The following CNTLN variants were observed in gnomAD, a reference collection of about 807,000 sequenced individuals.
The protein encoded by CNTLN is centlein, centrosomal protein.
CNTLN carries 212 observed loss-of-function variants against 180.0 expected under a neutral mutation model. The ratio of observed to expected loss-of-function variants is 1.18; its 90% confidence interval spans 1.05 to 1.32. CNTLN has a LOEUF of 1.32. CNTLN is among the 40% of genes most tolerant of loss of function. CNTLN has a pLI of 0.00. For synonymous variants in CNTLN, 722 were observed against 563.1 expected (o/e 1.28, Z -3.99); for missense variants, 2,095 against 1,610.9 (o/e 1.30, Z -5.14).
At chr9:17,371,445 C>T (rs1824309244) in intron 13 of CNTLN, among the ~76,000 whole-genome samples, 1 of 152,102 alleles carries the variant, frequency 6.6e-6, no homozygotes, top group Non-Finnish European at 1.5e-5. Flanking sequence ...ATTCACCCAA[C>T]ACGCTAGTAC....
intron 6 of CNTLN, among the ~76,000 whole-genome samples, chr9:17,283,855 T>C (rs922070152): frequency 4.6e-5 from 7 of 152,304 alleles, no homozygotes; most frequent in Middle Eastern, 3.4e-3. Context: ...GAGATGATCA[T>C]GTGTTTGCTG....
At chr9:17,295,112 C>T (rs936090901) in intron 6 of CNTLN, among the ~76,000 whole-genome samples, 1 of 150,918 alleles carries the variant, frequency 6.6e-6, no homozygotes, top group Non-Finnish European at 1.5e-5. Context: ...GCGGGGCTGG[C>T]TGGCCGCTCT....
chr9:17,445,087 A>T lies in CNTLN; in HGVS notation c.3115-12437A>T, dbSNP rs548054881. 2.0e-5 allele frequency among the ~76,000 whole-genome samples: 3 copies of T among 152,256 alleles called. No homozygotes were observed. The East Asian group carries it at 5.8e-4, about 29-fold the overall frequency. ...TATTTTATCAAATCCAAAGATTTTT[A>T]AAAGTCCTTTCTAAAAATGTCCATT... On this transcript the variant is annotated intron_variant, in intron 18 of 25. Coordinates refer to ENST00000380647, the MANE Select transcript of CNTLN (RefSeq NM_017738.4).
At chr9:17,515,296 C>A in the CNTLN span, among the ~76,000 whole-genome samples, 1 of 152,136 alleles carries the variant, frequency 6.6e-6, no homozygotes. Context: ...TAGCCCTCAT[C>A]TTCCTTAATT....
intron 2 of CNTLN, among the ~76,000 whole-genome samples, chr9:17,171,230 G>T (rs117565641): frequency 0.021 from 3,168 of 152,104 alleles, 76 homozygotes; most frequent in African/African-American, 0.055. Flanking sequence ...CTTGTTTTTG[G>T]TTTTTTTGTG....
intron 5 of CNTLN, among the ~76,000 whole-genome samples, chr9:17,252,788 T>C (rs952672322): frequency 9.2e-5 from 14 of 151,950 alleles, no homozygotes; most frequent in African/African-American, 2.9e-4. Flanking sequence ...CATTTCTCTA[T>C]TTTTATTTTT....
chr9:17,142,101 A>AG (rs1319761589), intron 1 of CNTLN, among the ~76,000 whole-genome samples: 8 of 151,344 alleles, frequency 5.3e-5, no homozygotes, highest in South Asian at 4.2e-4. Flanking sequence ...AAAAAAAAAA[A>AG]AAGAAGAATA....
At chr9:17,329,050 C>A (rs1359534154) in intron 8 of CNTLN, among the ~76,000 whole-genome samples, 4 of 151,866 alleles carry the variant, frequency 2.6e-5, no homozygotes, top group Admixed American at 6.6e-5. Context: ...GCATTATAAT[C>A]CATTGATGAC....
intron 18 of CNTLN, among the ~76,000 whole-genome samples, chr9:17,439,303 A>T (rs2134029175): frequency 6.6e-6 from 1 of 152,344 alleles, no homozygotes; most frequent in African/African-American, 2.4e-5. Flanking sequence ...AAAAATGTTC[A>T]CATAACTAGG....
At chr9:17,211,479 CAGGT>C (rs1823306570) in intron 2 of CNTLN, among the ~76,000 whole-genome samples, 1 of 152,170 alleles carries the variant, frequency 6.6e-6, no homozygotes, top group African/African-American at 2.4e-5. Flanking sequence ...AGTTTGAAGT[CAGGT>C]AGCGTGATTC....
intron 2 of CNTLN, among the ~76,000 whole-genome samples, chr9:17,217,564 T>C (rs1225702266): frequency 6.6e-6 from 1 of 152,242 alleles, no homozygotes; most frequent in African/African-American, 2.4e-5. Flanking sequence ...TAAAAATCCT[T>C]GGGGGCAACC....
chr9:17,279,543 G>C (rs1170069648), intron 6 of CNTLN, among the ~76,000 whole-genome samples: 1 of 151,928 alleles, frequency 6.6e-6, no homozygotes, highest in Non-Finnish European at 1.5e-5. Context: ...ACTATAGTCT[G>C]ATGCTCCAGT....
At chr9:17,205,577 G>A (rs1822858433) in intron 2 of CNTLN, among the ~76,000 whole-genome samples, 1 of 152,138 alleles carries the variant, frequency 6.6e-6, no homozygotes, top group African/African-American at 2.4e-5. Flanking sequence ...TGAAGGAAGC[G>A]GTGGGAGCAG....
intron 18 of CNTLN, among the ~76,000 whole-genome samples, chr9:17,457,125 T>A (rs1459871010): frequency 1.3e-5 from 2 of 152,128 alleles, no homozygotes; most frequent in South Asian, 2.1e-4. Context: ...ACCTACCCAG[T>A]GGAATAAACA....
At chr9:17,325,802 A>T (rs1820251201) in intron 8 of CNTLN, among the ~76,000 whole-genome samples, 1 of 152,014 alleles carries the variant, frequency 6.6e-6, no homozygotes, top group Non-Finnish European at 1.5e-5. Flanking sequence ...GCTAAATGCT[A>T]ATTATTATCA....
intron 8 of CNTLN, among the ~76,000 whole-genome samples, chr9:17,319,079 G>A (rs1447121183): frequency 6.6e-6 from 1 of 152,218 alleles, no homozygotes; most frequent in East Asian, 1.9e-4. Context: ...TTTTCAAGGA[G>A]CATGTTTATG....
chr9:17,197,757 AT>A (rs907075615), intron 2 of CNTLN, among the ~76,000 whole-genome samples: 1 of 152,074 alleles, frequency 6.6e-6, no homozygotes, highest in Non-Finnish European at 1.5e-5. Context: ...CCATGTATCC[AT>A]TTTTGCTTTG....
At chr9:17,366,925 A>AG (rs1823869852) in intron 13 of CNTLN, among the ~76,000 whole-genome samples, 1 of 152,188 alleles carries the variant, frequency 6.6e-6, no homozygotes, top group Non-Finnish European at 1.5e-5. Flanking sequence ...TAAAAAATCT[A>AG]GGGGAGAACG....
chr9:17,200,816 C>G (rs914144405), intron 2 of CNTLN, among the ~76,000 whole-genome samples: 1 of 151,932 alleles, frequency 6.6e-6, no homozygotes, highest in Admixed American at 6.6e-5. Flanking sequence ...ATGTGAATAC[C>G]CTTTATTTAT....
Sources: gnomAD v4.1 joint callset for allele counts (sites outside exome capture counted in the v4.1 genomes callset) on GRCh38, gnomAD v4.1.1 for gene constraint, MANE v1.5 for transcripts, NCBI Gene and HGNC (gene_info 2026-07-23, HGNC 2026-07-21) for gene names.